The following PRKAR2B variants were observed in gnomAD, a reference collection of about 807,000 sequenced individuals.
PRKAR2B encodes the protein protein kinase cAMP-dependent type II regulatory subunit beta, also known as cAMP-dependent protein kinase type II-beta regulatory subunit.
PRKAR2B carries 14 observed loss-of-function variants against 49.9 expected under a neutral mutation model. The ratio of observed to expected loss-of-function variants is 0.28; its 90% CI spans 0.19 to 0.44. The LOEUF (loss-of-function observed/expected upper bound fraction) is 0.44, where lower values mean the gene tolerates loss of function less well. Ranked by LOEUF, PRKAR2B falls within the 20% of genes least tolerant of loss-of-function variation. PRKAR2B has a pLI of 1.00. For missense variants in PRKAR2B, 393 were observed against 537.9 expected (o/e 0.73, Z 2.67); for synonymous variants, 196 against 197.7 (o/e 0.99, Z 0.07).
intron 2 of PRKAR2B, among the ~76,000 whole-genome samples, chr7:107,092,876 C>G (rs573745291): frequency 6.6e-5 from 10 of 152,248 alleles, no homozygotes; most frequent in Admixed American, 6.5e-4. Context: ...TACTTAACTC[C>G]TCATTCCCTT....
intron 2 of PRKAR2B, among the ~76,000 whole-genome samples, chr7:107,111,686 TG>T (rs899106651): frequency 6.6e-5 from 10 of 152,162 alleles, no homozygotes; most frequent in Non-Finnish European, 1.2e-4. Context: ...TTAATTTTTT[TG>T]TTGGGAATTT....
At chr7:107,108,298 C>A (rs796315216) in intron 2 of PRKAR2B, among the ~76,000 whole-genome samples, 1 of 151,936 alleles carries the variant, frequency 6.6e-6, no homozygotes, top group African/African-American at 2.4e-5. Flanking sequence ...GAAAGTGTCC[C>A]GACTTACATA....
chr7:107,073,280 T>C (rs1387311300), intron 2 of PRKAR2B, among the ~76,000 whole-genome samples: 1 of 152,132 alleles, frequency 6.6e-6, no homozygotes, highest in Non-Finnish European at 1.5e-5. Flanking sequence ...ATTTTTACAC[T>C]TTTAAGAACA....
chr7:107,063,871 C>A (rs1010659279), intron 1 of PRKAR2B, among the ~76,000 whole-genome samples: 2 of 152,194 alleles, frequency 1.3e-5, no homozygotes, highest in African/African-American at 4.8e-5. Context: ...CAGCTTCCAG[C>A]TTTTCCGGTG....
intron 2 of PRKAR2B, among the ~76,000 whole-genome samples, chr7:107,085,326 A>T (rs2116793507): frequency 6.6e-6 from 1 of 152,276 alleles, no homozygotes; most frequent in African/African-American, 2.4e-5. Context: ...AGTAAGTCAA[A>T]ATACTTTTTT....
At chr7:107,055,032 A>G (rs1316949599) in intron 1 of PRKAR2B, among the ~76,000 whole-genome samples, 1 of 151,056 alleles carries the variant, frequency 6.6e-6, no homozygotes, top group African/African-American at 2.4e-5. Context: ...CTCATTGTTC[A>G]TTTCCCACCT....
Position 107,070,669 on chromosome 7 carries a change from G to T in PRKAR2B, c.343+353G>T, listed in dbSNP as rs560686421. Among the ~76,000 whole-genome samples, 177 of 152,270 alleles carry T rather than the reference G, an allele frequency of 1.2e-3. 1 individual carries two copies. The highest frequency in any genetic ancestry group is 3.9e-3 in the African/African-American group (162 of 41,568). ...TGTCTGATTTACCAGCCATAATCTA[G>T]AAACAGTGATTTAGCAGATGGGTAA... is the stretch of plus-strand genomic sequence containing the variant. On this transcript the variant is annotated intron_variant, in intron 2 of 10. Coordinates refer to ENST00000265717, the MANE Select transcript of PRKAR2B (RefSeq NM_002736.3).
intron 1 of PRKAR2B, among the ~76,000 whole-genome samples, chr7:107,047,791 G>A (rs183026532): frequency 6.6e-6 from 1 of 152,172 alleles, no homozygotes; most frequent in African/African-American, 2.4e-5. Flanking sequence ...ATTCAGAAAT[G>A]ACCATTACCC....
At chr7:107,152,724 T>TA (rs1796011898) in intron 7 of PRKAR2B, among the ~76,000 whole-genome samples, 1 of 152,196 alleles carries the variant, frequency 6.6e-6, no homozygotes, top group Non-Finnish European at 1.5e-5. Context: ...TTACATCTGG[T>TA]AAAAATTTTG....
intron 2 of PRKAR2B, among the ~76,000 whole-genome samples, chr7:107,114,219 G>T (rs1203242197): frequency 6.6e-6 from 1 of 151,882 alleles, no homozygotes; most frequent in African/African-American, 2.4e-5. Context: ...TTTACAAAAC[G>T]TATGTGGGTT....
chr7:107,130,101 CT>C (rs1385979917), intron 4 of PRKAR2B, among the ~76,000 whole-genome samples: 1 of 152,148 alleles, frequency 6.6e-6, no homozygotes, highest in Non-Finnish European at 1.5e-5. Context: ...ACCTCGGACA[CT>C]TTTATAGTTA....
At position 107,093,610 on chromosome 7, in the gene PRKAR2B, C is replaced by T. The variant is rs1431148663; in HGVS notation, c.343+23294C>T. On this transcript the variant is annotated intron_variant, in intron 2 of 10. Transcript: ENST00000265717. ...ATGTGCCATGTTGGTGTGCTGCACC[C>T]GTTAACTCATCATTTACATTAGGTA... Among the ~76,000 whole-genome samples the T allele has an allele frequency of 3.3e-5, 5 of 151,624 alleles. No individual in the cohort carries two copies. The East Asian group carries it at 5.8e-4, about 18-fold the overall frequency.
At chr7:107,051,731 A>G (rs1413618632) in intron 1 of PRKAR2B, among the ~76,000 whole-genome samples, 3 of 152,186 alleles carry the variant, frequency 2.0e-5, no homozygotes, top group Admixed American at 1.3e-4. Flanking sequence ...GTGTAGCTTA[A>G]TATGTTTGGA....
Position 107,103,877 on chromosome 7 carries a change from A to G in PRKAR2B, c.344-18075A>G, listed in dbSNP as rs566450328. On this transcript the variant is annotated intron_variant, in intron 2 of 10. Coordinates refer to ENST00000265717, the MANE Select transcript of PRKAR2B (RefSeq NM_002736.3). ...CACATAAAGATTGCTGGATCAATCC[A>G]TTAGGAATGCCTGTTAGCAGGTTCT... Among the ~76,000 whole-genome samples, 42 of 152,342 alleles carry G rather than the reference A, an allele frequency of 2.8e-4. 1 individual carries two copies. The highest frequency in any genetic ancestry group is 9.4e-4 in the African/African-American group (39 of 41,586).
chr7:107,072,612 A>G (rs1447344544), intron 2 of PRKAR2B, among the ~76,000 whole-genome samples: 1 of 152,204 alleles, frequency 6.6e-6, no homozygotes, highest in Non-Finnish European at 1.5e-5. Flanking sequence ...AAGAATATAG[A>G]AACAGTCTTA....
intron 2 of PRKAR2B, among the ~76,000 whole-genome samples, chr7:107,114,279 A>T (rs1795226820): frequency 6.6e-6 from 1 of 151,746 alleles, no homozygotes; most frequent in Non-Finnish European, 1.5e-5. Context: ...AAGAAAAAAA[A>T]ATTACACATT....
intron 2 of PRKAR2B, among the ~76,000 whole-genome samples, chr7:107,099,306 C>A (rs1794909698): frequency 6.6e-6 from 1 of 152,176 alleles, no homozygotes; most frequent in Non-Finnish European, 1.5e-5. Context: ...GGGTGTTGGA[C>A]CCTCCTAACC....
chr7:107,047,869 A>C (rs913574123), intron 1 of PRKAR2B, among the ~76,000 whole-genome samples: 5 of 152,200 alleles, frequency 3.3e-5, no homozygotes, highest in African/African-American at 1.2e-4. Context: ...CTTCCCCCTC[A>C]GTAGACATCC....
chr7:107,065,087 C>T (rs906383410), intron 1 of PRKAR2B, among the ~76,000 whole-genome samples: 1 of 152,148 alleles, frequency 6.6e-6, no homozygotes, highest in African/African-American at 2.4e-5. Context: ...TCAATTTACA[C>T]AGTTTCTAGA....
Sources: gnomAD v4.1 joint callset for allele counts (sites outside exome capture counted in the v4.1 genomes callset) on GRCh38, gnomAD v4.1.1 for gene constraint, MANE v1.5 for transcripts, NCBI Gene and HGNC (gene_info 2026-07-23, HGNC 2026-07-21) for gene names.